Variants in PARD3B observed in about 807,000 individuals in gnomAD.
The protein encoded by PARD3B is partitioning defective 3 homolog B.
Under a neutral mutation model 130.2 loss-of-function variants are expected in PARD3B, and 103 were observed. The observed-to-expected ratio is 0.79, with a 90% CI of 0.67 to 0.93. The LOEUF (loss-of-function observed/expected upper bound fraction) is 0.93. Among genes scored for constraint, PARD3B ranks in the 40% least tolerant of loss-of-function variants. The pLI is 0.00. For synonymous variants in PARD3B, 583 were observed against 553.2 expected (o/e 1.05, Z -0.76); for missense variants, 1,609 against 1,499.2 (o/e 1.07, Z -1.21).
intron 18 of PARD3B, among the ~76,000 whole-genome samples, chr2:205,381,567 G>C (rs2045450841): frequency 6.6e-6 from 1 of 151,740 alleles, no homozygotes; most frequent in South Asian, 2.1e-4. Flanking sequence ...TTTACCACTT[G>C]TTTGTACTGT....
At chr2:205,608,056 T>A (rs1476450851) in intron 22 of PARD3B, among the ~76,000 whole-genome samples, 1 of 152,168 alleles carries the variant, frequency 6.6e-6, no homozygotes, top group African/African-American at 2.4e-5. Context: ...CCATGATGCA[T>A]AAATATCTAC....
At chr2:205,285,653 G>A (rs2041366848) in intron 16 of PARD3B, among the ~76,000 whole-genome samples, 1 of 152,142 alleles carries the variant, frequency 6.6e-6, no homozygotes, top group Non-Finnish European at 1.5e-5. Context: ...GTTCTCCGCT[G>A]TCGCCCACTC....
At position 205,618,137 on chromosome 2, in the gene PARD3B, T is replaced by C. The variant is rs1339447769; in HGVS notation, c.*2324T>C. 4 of 152,230 alleles carry C rather than the reference T, an allele frequency of 2.6e-5. No homozygotes were observed. The highest frequency in any genetic ancestry group is 2.6e-4 in the Admixed American group (4 of 15,280). The allele number at this position is 152,230 out of a possible 1,614,324, so 9.4% of individuals were successfully genotyped here. On this transcript the variant is annotated 3_prime_UTR_variant, in exon 23 of 23. Transcript: ENST00000406610. ...CATACAAAGTCAATAAAATAGTTGCTAATCCTGAATGGCAGCCAGTGATGT... is the reference window on the plus strand; with the variant it reads ...CATACAAAGTCAATAAAATAGTTGCCAATCCTGAATGGCAGCCAGTGATGT...
Position 205,325,894 on chromosome 2 carries a change from A to C in PARD3B, c.2630+24193A>C, listed in dbSNP as rs12468755. Among the ~76,000 whole-genome samples the C allele has an allele frequency of 0.56, 85,078 of 152,038 alleles. 27,604 individuals are homozygous for C. Among genetic ancestry groups the C allele is most frequent in the South Asian group, 0.75 (3,631 of 4,816 alleles). ...AATAAAAATAAATAAAACAATTGTG[A>C]GAGCAAATAAACACAAAAACATCCT... On this transcript the variant is annotated intron_variant, in intron 18 of 22. Transcript: ENST00000406610. The surrounding 1 kb of genome is among the most constrained non-coding windows in gnomAD (Gnocchi z 4.1).
In PARD3B at chr2:205,543,837, G is replaced by A. The variant is rs562355782; in HGVS notation, c.3181-9487G>A. Among the ~76,000 whole-genome samples, 8 of 152,258 alleles carry A rather than the reference G, an allele frequency of 5.3e-5. No individual in the cohort carries two copies. In the South Asian group the frequency reaches 1.7e-3, roughly 32 times the overall value. ...GGCTGAAATAGATACAAAATATTCAGCTTTTCCAAATGTTTCTTTTTTCTA... is the reference window on the plus strand; with the variant it reads ...GGCTGAAATAGATACAAAATATTCAACTTTTCCAAATGTTTCTTTTTTCTA... On this transcript the variant is annotated intron_variant, in intron 21 of 22. Transcript: ENST00000406610.
At chr2:204,651,619 G>A (rs1192960748) in intron 1 of PARD3B, among the ~76,000 whole-genome samples, 1 of 152,140 alleles carries the variant, frequency 6.6e-6, no homozygotes, top group Admixed American at 6.5e-5. Context: ...TCTGGGGTGT[G>A]GAGGATGGTG....
chr2:205,099,633 C>T (rs1702616186), intron 4 of PARD3B, among the ~76,000 whole-genome samples: 1 of 152,110 alleles, frequency 6.6e-6, no homozygotes, highest in Non-Finnish European at 1.5e-5. Flanking sequence ...GGTAAACTGC[C>T]TTGTCGATAA....
intron 13 of PARD3B, among the ~76,000 whole-genome samples, chr2:205,182,275 G>C (rs186176153): frequency 1.7e-4 from 26 of 151,318 alleles, no homozygotes; most frequent in African/African-American, 6.1e-4. Context: ...CTGGGTGACA[G>C]AGTGAGACTC....
chr2:205,171,281 A>G (rs988143266), intron 11 of PARD3B, among the ~76,000 whole-genome samples: 1 of 152,160 alleles, frequency 6.6e-6, no homozygotes, highest in Non-Finnish European at 1.5e-5. Flanking sequence ...CTGGCTGTCA[A>G]CATTTCAAGC....
chr2:204,756,299 T>A (rs912249797), intron 2 of PARD3B, among the ~76,000 whole-genome samples: 1 of 152,116 alleles, frequency 6.6e-6, no homozygotes, highest in Non-Finnish European at 1.5e-5. Context: ...TGATATTTAG[T>A]GTCTTGAGTA....
At chr2:205,336,536 T>C (rs1304805141) in intron 18 of PARD3B, among the ~76,000 whole-genome samples, 2 of 152,248 alleles carry the variant, frequency 1.3e-5, no homozygotes, top group Non-Finnish European at 2.9e-5. Context: ...CCATTCTTTA[T>C]TTCTTCTGCA....
At chr2:204,701,636 A>C (rs2037896480) in intron 2 of PARD3B, among the ~76,000 whole-genome samples, 1 of 152,212 alleles carries the variant, frequency 6.6e-6, no homozygotes, top group South Asian at 2.1e-4. Context: ...TCAGCATTTT[A>C]TTAATGCCGT....
At chr2:204,935,265 C>A (rs184108579) in intron 2 of PARD3B, among the ~76,000 whole-genome samples, 37 of 151,088 alleles carry the variant, frequency 2.4e-4, no homozygotes, top group Middle Eastern at 3.4e-3. Context: ...CGCAGTGGCT[C>A]ACGCCTGTAA....
intron 1 of PARD3B, among the ~76,000 whole-genome samples, chr2:204,579,550 A>C (rs2125078916): frequency 6.6e-6 from 1 of 152,312 alleles, no homozygotes; most frequent in Non-Finnish European, 1.5e-5. Context: ...AATTCTTAGA[A>C]ATGTTGTGAC....
At chr2:205,168,288 G>GGAGAGAGAGAGAGAGAGAGAGAGAGA (rs761018109) in intron 11 of PARD3B, among the ~76,000 whole-genome samples, 3 of 126,844 alleles carry the variant, frequency 2.4e-5, no homozygotes, top group African/African-American at 9.6e-5. Flanking sequence ...GGTGAGAAAG[G>GGAGAGAGAGAGAGAGAGAGAGAGAGA]GAGAGAGAGA....
At chr2:205,374,513 A>C (rs981719912) in intron 18 of PARD3B, among the ~76,000 whole-genome samples, 9 of 152,174 alleles carry the variant, frequency 5.9e-5, no homozygotes, top group African/African-American at 1.7e-4. Flanking sequence ...GATTACAGGC[A>C]TGAGCCACTG....
chr2:205,308,588 G>C (rs1434885548), intron 18 of PARD3B, among the ~76,000 whole-genome samples: 11 of 133,848 alleles, frequency 8.2e-5, no homozygotes, highest in Non-Finnish European at 1.7e-4. Context: ...GCCTGGGTGA[G>C]AGCGAGACTC....
At chr2:204,874,861 A>G (rs2045773611) in intron 2 of PARD3B, among the ~76,000 whole-genome samples, 1 of 152,206 alleles carries the variant, frequency 6.6e-6, no homozygotes, top group South Asian at 2.1e-4. Flanking sequence ...GGGTTCTGTC[A>G]TTCAATAATT....
At chr2:205,413,501 A>G (rs1019010517) in intron 19 of PARD3B, among the ~76,000 whole-genome samples, 2 of 152,310 alleles carry the variant, frequency 1.3e-5, no homozygotes, top group South Asian at 4.1e-4. Flanking sequence ...ACTGATTTTA[A>G]TTTTATTTTT....
Sources: allele counts gnomAD v4.1 joint callset (sites outside exome capture counted in the v4.1 genomes callset), GRCh38; gene constraint gnomAD v4.1.1; non-coding constraint Gnocchi (gnomAD v3.1); transcripts MANE v1.5; gene names NCBI Gene and HGNC (gene_info 2026-07-23, HGNC 2026-07-21).